The following PCSK6 variants were observed in gnomAD, a reference collection of about 807,000 sequenced individuals.
PCSK6 encodes the protein paired basic amino acid cleaving enzyme 4.
PCSK6 carries 85 observed loss-of-function variants against 123.3 expected under a neutral mutation model. That is an observed-to-expected ratio of 0.69 (90% CI 0.58 to 0.83). The LOEUF is 0.83. PCSK6 is among the 40% of genes least tolerant of loss of function. PCSK6 has a pLI of 0.00. For missense variants in PCSK6, 1,191 were observed against 1,282.3 expected, an observed-to-expected ratio of 0.93 and a Z score of 1.09; for synonymous variants, 508 against 516.0, an observed-to-expected ratio of 0.98 and a Z score of 0.21.
chr15:101,392,099 T>C (rs1451442251), intron 8 of PCSK6, among the ~76,000 whole-genome samples: 1 of 152,148 alleles, frequency 6.6e-6, no homozygotes, highest in Admixed American at 6.5e-5. Flanking sequence ...CTTAGCAAAT[T>C]CGAACCTGCA....
At chr15:101,387,362 G>T (rs2042093817) in intron 9 of PCSK6, among the ~76,000 whole-genome samples, 1 of 152,222 alleles carries the variant, frequency 6.6e-6, no homozygotes, top group African/African-American at 2.4e-5. Flanking sequence ...TTACTGCTGT[G>T]TGTCAGCAGG....
chr15:101,308,178 C>G (rs769181546), intron 20 of PCSK6: 1 of 152,322 alleles, frequency 6.6e-6, no homozygotes. Flanking sequence ...GAGTGCACCC[C>G]GGCTATGCTG....
At position 101,309,884 on chromosome 15, in the gene PCSK6, C is replaced by T. The variant is rs562868027; in HGVS notation, c.2700-2559G>A. 5.9e-5 allele frequency among the ~76,000 whole-genome samples: 9 copies of T among 152,036 alleles called. No homozygotes were observed. The South Asian group carries it at 1.0e-3, about 18-fold the overall frequency. ...GTGCATTGTTCTCAGCGTCGGGCCT[C>T]GGCCCCTCTCTTAGGGAACTTATCA... is the stretch of plus-strand genomic sequence containing the variant. On this transcript the variant is annotated intron_variant, in intron 20 of 21. Transcript: ENST00000611716.
intron 6 of PCSK6, among the ~76,000 whole-genome samples, chr15:101,412,273 CAT>C (rs1430000954): frequency 6.6e-6 from 1 of 152,182 alleles, no homozygotes; most frequent in Non-Finnish European, 1.5e-5. Flanking sequence ...AGGAATATCA[CAT>C]GTCATTCCAA....
At chr15:101,428,568 T>C (rs557985723) in intron 5 of PCSK6, among the ~76,000 whole-genome samples, 24 of 152,318 alleles carry the variant, frequency 1.6e-4, no homozygotes, top group Admixed American at 1.2e-3. Flanking sequence ...TGGGAGACTA[T>C]GAAGAAATGA....
intron 20 of PCSK6, 41 bp from the exon 21 acceptor site, chr15:101,307,366 G>C: frequency 1.4e-6 from 2 of 1,450,062 alleles, no homozygotes; most frequent in Non-Finnish European, 9.6e-7. Flanking sequence ...TGGGGAAGAG[G>C]CTCCACCACT....
chr15:101,307,275 C>G lies in PCSK6; in HGVS notation c.2750G>C (p.Arg917Thr), dbSNP rs750971898. The G allele has an allele frequency of 1.9e-6, 3 of 1,613,838 alleles. No individual in the cohort carries two copies. The highest frequency in any genetic ancestry group is 2.5e-6 in the Non-Finnish European group (3 of 1,179,832). Residue 917 changes from arginine (R) to threonine (T), a missense_variant, in exon 21 of 22, where the codon AGG becomes ACG. Physicochemically the swap from Arg to Thr is moderately conservative, Grantham distance 71 (BLOSUM62 -1). Around this residue, in one of 3 missense-constraint regions of PCSK6, gnomAD observed 630 missense variants for 631.4 expected, o/e 1.00. Coordinates refer to ENST00000611716, the MANE Select transcript of PCSK6 (RefSeq NM_002570.5). ...CAGCTGTGTGAAGCCCGTCTTACACCTGCTACAGTTCCTGCTGGAGCCTGC... is the reference window on the plus strand; with the variant it reads ...CAGCTGTGTGAAGCCCGTCTTACACGTGCTACAGTTCCTGCTGGAGCCTGC... ...SCAGSSRNCS[R>T]CKTGFTQLGT...
chr15:101,327,035 G>A (rs1293884926), intron 15 of PCSK6, among the ~76,000 whole-genome samples: 1 of 152,222 alleles, frequency 6.6e-6, no homozygotes, highest in South Asian at 2.1e-4. Flanking sequence ...TGGTGGGGCT[G>A]TTGCTGGCCA....
intron 9 of PCSK6, among the ~76,000 whole-genome samples, chr15:101,388,642 C>T (rs1458767703): frequency 1.1e-4 from 16 of 152,184 alleles, no homozygotes; most frequent in Non-Finnish European, 4.4e-5. Flanking sequence ...CAGCCAGCCC[C>T]TGTGTCCTAC....
intron 12 of PCSK6, among the ~76,000 whole-genome samples, chr15:101,368,843 A>C (rs910565765): frequency 2.0e-5 from 3 of 152,198 alleles, no homozygotes; most frequent in African/African-American, 2.4e-5. Context: ...GAAATGCCAG[A>C]AATGAGGACT....
Position 101,354,775 on chromosome 15 carries a change from C to T in PCSK6, c.1858+11421G>A, listed in dbSNP as rs2040993248. ...CAACCTTTTCTCAATCTGGTTTCGCCCACCCTCTTCCTACTCTCCCACTCC... is the reference window on the plus strand; with the variant it reads ...CAACCTTTTCTCAATCTGGTTTCGCTCACCCTCTTCCTACTCTCCCACTCC... On this transcript the variant is annotated intron_variant, in intron 13 of 21. Coordinates refer to ENST00000611716, the MANE Select transcript of PCSK6 (RefSeq NM_002570.5). Among the ~76,000 whole-genome samples, 5 of 152,314 alleles carry T rather than the reference C, an allele frequency of 3.3e-5. No individual in the cohort carries two copies. In the South Asian group the frequency reaches 8.3e-4, roughly 25 times the overall value.
intron 11 of PCSK6, among the ~76,000 whole-genome samples, chr15:101,381,516 C>A (rs1490981427): frequency 6.6e-6 from 1 of 152,202 alleles, no homozygotes; most frequent in Non-Finnish European, 1.5e-5. Context: ...GCGCTTAAGC[C>A]TTAAGAAGGT....
At chr15:101,377,827 G>A (rs1052700376) in intron 11 of PCSK6, among the ~76,000 whole-genome samples, 1 of 152,208 alleles carries the variant, frequency 6.6e-6, no homozygotes, top group African/African-American at 2.4e-5. Context: ...TGTGGGTTGT[G>A]GGTGTGTGAA....
At chr15:101,349,752 C>T (rs2040842790) in intron 13 of PCSK6, among the ~76,000 whole-genome samples, 1 of 152,170 alleles carries the variant, frequency 6.6e-6, no homozygotes, top group Non-Finnish European at 1.5e-5. Context: ...GACCCAGGCT[C>T]CTCTGCCCCT....
At chr15:101,339,322 T>C (rs963530514) in intron 13 of PCSK6, among the ~76,000 whole-genome samples, 1 of 152,172 alleles carries the variant, frequency 6.6e-6, no homozygotes, top group Non-Finnish European at 1.5e-5. Context: ...TGAAACACAG[T>C]GAAGTAAGAG....
intron 13 of PCSK6, among the ~76,000 whole-genome samples, chr15:101,333,859 G>C (rs962009189): frequency 5.3e-5 from 8 of 152,134 alleles, no homozygotes; most frequent in African/African-American, 1.9e-4. Flanking sequence ...AATGGCATTC[G>C]ACACTGACCC....
At chr15:101,437,584 T>G (rs11638957) in intron 2 of PCSK6, among the ~76,000 whole-genome samples, 50,749 of 152,074 alleles carry the variant, frequency 0.33, 8,990 homozygotes, top group Non-Finnish European at 0.4. Flanking sequence ...CTTGAATTCT[T>G]TCCATTGAAG....
At chr15:101,443,876 G>A (rs1012116041) in intron 1 of PCSK6, among the ~76,000 whole-genome samples, 3 of 152,192 alleles carry the variant, frequency 2.0e-5, no homozygotes, top group African/African-American at 7.2e-5. Flanking sequence ...ATAACACTAA[G>A]TCATATTTCC....
chr15:101,464,628 G>A (rs1214078406), intron 1 of PCSK6, among the ~76,000 whole-genome samples: 1 of 152,114 alleles, frequency 6.6e-6, no homozygotes, highest in Non-Finnish European at 1.5e-5. Context: ...TTTCTAACAA[G>A]GTCCCAAATG....
Sources: gnomAD v4.1 joint callset for allele counts (sites outside exome capture counted in the v4.1 genomes callset) on GRCh38, gnomAD v4.1.1 for gene constraint, gnomAD v4.1.1 regional missense constraint, MANE v1.5 for transcripts, NCBI Gene and HGNC (gene_info 2026-07-23, HGNC 2026-07-21) for gene names.